COL10A1: variants seen among roughly 807,000 people sequenced by gnomAD.
COL10A1 encodes collagen type X alpha 1 chain, also known as collagen alpha-1(X) chain.
COL10A1 carries 10 observed loss-of-function variants against 18.2 expected under a neutral mutation model. That is an observed-to-expected ratio of 0.55 (90% confidence interval 0.34 to 0.93). The LOEUF is 0.93. Among genes scored for constraint, COL10A1 ranks in the 40% least tolerant of loss-of-function variants. The probability of loss-of-function intolerance (pLI) is 0.02; values close to 1 mark genes in which losing one functional copy is unlikely to be tolerated. For missense variants in COL10A1, 897 were observed against 853.5 expected, an observed-to-expected ratio of 1.05 and a Z score of -0.64; for synonymous variants, 330 against 316.6, an observed-to-expected ratio of 1.04 and a Z score of -0.45.
chr6:116,194,875 A>G, the COL10A1 span, among the ~76,000 whole-genome samples: 3 of 152,074 alleles, frequency 2.0e-5, no homozygotes, highest in Non-Finnish European at 2.9e-5. Flanking sequence ...TATGGTTTAC[A>G]TTATTAGTTT....
chr6:116,142,750 T>C (rs1395136932), intron 1 of COL10A1, among the ~76,000 whole-genome samples: 1 of 152,152 alleles, frequency 6.6e-6, no homozygotes, highest in Non-Finnish European at 1.5e-5. Flanking sequence ...GGGACTGCTT[T>C]TCTTGTTTCT....
At chr6:116,137,504 G>C (rs1482548300) in intron 1 of COL10A1, 1 of 203,730 alleles carries the variant, frequency 4.9e-6, no homozygotes, top group Non-Finnish European at 1.0e-5. Flanking sequence ...CTGGCAGCTA[G>C]AGATTCTCCC....
chr6:116,212,134 G>A, the COL10A1 span, among the ~76,000 whole-genome samples: 1 of 152,036 alleles, frequency 6.6e-6, no homozygotes. Flanking sequence ...TTATTAAAAA[G>A]TTAATAACTC....
chr6:116,174,083 A>G, the COL10A1 span, among the ~76,000 whole-genome samples: 3 of 152,350 alleles, frequency 2.0e-5, no homozygotes, highest in South Asian at 4.1e-4. Context: ...TTCACTTCAC[A>G]GAAGTGAAGA....
In COL10A1 at chr6:116,121,831, C is replaced by T. The variant is rs1430972011; in HGVS notation, c.285G>A (p.Gly95=). Residue 95 remains glycine, a synonymous_variant, in exon 3 of 3, where the codon GGG becomes GGA. Coordinates refer to ENST00000651968, the MANE Select transcript of COL10A1 (RefSeq NM_000493.4). ...YGSPGLQGEP[G]LPGPPGPSAV... is the part of the protein sequence containing the mutation. ...CTGATGGTCCCGGTGGTCCTGGCAA[C>T]CCTGGCTCTCCTTGGAGTCCAGGAC... 3 of 1,613,958 alleles carry T rather than the reference C, an allele frequency of 1.9e-6. No individual in the cohort carries two copies. Among genetic ancestry groups the T allele is most frequent in the Admixed American group, 1.7e-5 (1 of 60,014 alleles).
the COL10A1 span, among the ~76,000 whole-genome samples, chr6:116,195,044 A>G: frequency 5.9e-5 from 9 of 152,172 alleles, no homozygotes; most frequent in Non-Finnish European, 1.3e-4. Context: ...CGCTCTCTCT[A>G]TATTCTGCTT....
At chr6:116,179,123 T>C in the COL10A1 span, among the ~76,000 whole-genome samples, 2 of 152,170 alleles carry the variant, frequency 1.3e-5, no homozygotes, top group African/African-American at 4.8e-5. Flanking sequence ...CTTCAGGAAG[T>C]GTCATTGTAA....
upstream of COL10A1, among the ~76,000 whole-genome samples, chr6:116,163,141 A>AATATATATAT (rs1554197063): frequency 4.2e-4 from 37 of 88,376 alleles, no homozygotes; most frequent in African/African-American, 1.3e-3. Context: ...AAAAAAAAAA[A>AATATATATAT]ATATATATAT....
At chr6:116,188,446 A>G in the COL10A1 span, among the ~76,000 whole-genome samples, 3 of 152,098 alleles carry the variant, frequency 2.0e-5, no homozygotes, top group Admixed American at 6.6e-5. Context: ...TCATACAGTG[A>G]CATTCTATTC....
chr6:116,131,712 G>A (rs1268113293), intron 1 of COL10A1, among the ~76,000 whole-genome samples: 2 of 152,116 alleles, frequency 1.3e-5, no homozygotes, highest in African/African-American at 2.4e-5. Context: ...ACAAGTGCAG[G>A]TGTGTTACAT....
chr6:116,129,673 G>A (rs959582710), upstream of COL10A1, among the ~76,000 whole-genome samples: 1 of 152,116 alleles, frequency 6.6e-6, no homozygotes, highest in African/African-American at 2.4e-5. Context: ...GCCGAATAAA[G>A]CTCTGTTCAT....
chr6:116,129,137 A>G (rs1035363461), upstream of COL10A1, among the ~76,000 whole-genome samples: 1 of 152,138 alleles, frequency 6.6e-6, no homozygotes. Context: ...TTTCTTTAAA[A>G]CAATGTCATC....
chr6:116,135,419 C>G (rs56091733), intron 1 of COL10A1, among the ~76,000 whole-genome samples: 3 of 151,856 alleles, frequency 2.0e-5, no homozygotes, highest in African/African-American at 7.3e-5. Flanking sequence ...CCGCCCCCCC[C>G]ACCTTTTTAT....
chr6:116,141,627 T>C (rs1035974494), intron 1 of COL10A1, among the ~76,000 whole-genome samples: 1 of 152,116 alleles, frequency 6.6e-6, no homozygotes, highest in African/African-American at 2.4e-5. Flanking sequence ...TTTAATAGAA[T>C]TTCTGATTCT....
the COL10A1 span, among the ~76,000 whole-genome samples, chr6:116,196,585 T>C: frequency 1.3e-5 from 2 of 151,982 alleles, no homozygotes. Flanking sequence ...TATCAAATTA[T>C]ATATAGTATA....
the COL10A1 span, among the ~76,000 whole-genome samples, chr6:116,184,777 CTTAG>C: frequency 2.0e-5 from 3 of 151,886 alleles, no homozygotes; most frequent in Non-Finnish European, 4.4e-5. Flanking sequence ...CTTCTCTCTT[CTTAG>C]TTATTCTCAC....
chr6:116,130,380 C>T (rs1333205906), upstream of COL10A1, among the ~76,000 whole-genome samples: 2 of 152,070 alleles, frequency 1.3e-5, no homozygotes, highest in African/African-American at 4.8e-5. Flanking sequence ...ATTTTTTCCC[C>T]ATTTTTGGCC....
the COL10A1 span, among the ~76,000 whole-genome samples, chr6:116,214,195 C>CA: frequency 6.6e-6 from 1 of 151,954 alleles, no homozygotes; most frequent in Non-Finnish European, 1.5e-5. Flanking sequence ...ACTTTACATG[C>CA]AAGAGTATTG....
chr6:116,162,532 C>T (rs533553596), upstream of COL10A1, among the ~76,000 whole-genome samples: 4 of 152,206 alleles, frequency 2.6e-5, no homozygotes, highest in African/African-American at 9.6e-5. Flanking sequence ...TTGAGATGAT[C>T]ATGTGATTTT....
Sources: allele counts gnomAD v4.1 joint callset (sites outside exome capture counted in the v4.1 genomes callset), GRCh38; gene constraint gnomAD v4.1.1; transcripts MANE v1.5; gene names NCBI Gene and HGNC (gene_info 2026-07-23, HGNC 2026-07-21).